Variants in THADA observed in about 807,000 individuals in gnomAD.
THADA encodes THADA armadillo repeat containing.
Under a neutral mutation model 219.8 loss-of-function variants are expected in THADA, and 213 were observed. The observed-to-expected ratio is 0.97, with a 90% CI of 0.87 to 1.09. The LOEUF (loss-of-function observed/expected upper bound fraction) is 1.09. Ranked by LOEUF, THADA falls within the 50% of genes least tolerant of loss-of-function variation. The pLI is 0.00. For synonymous variants in THADA, 1,018 were observed against 828.9 expected, an observed-to-expected ratio of 1.23 and a Z score of -3.92; for missense variants, 2,956 against 2,311.3, an observed-to-expected ratio of 1.28 and a Z score of -5.72.
At chr2:43,360,223 CTTAA>C (rs1346287618) in intron 29 of THADA, among the ~76,000 whole-genome samples, 1 of 152,188 alleles carries the variant, frequency 6.6e-6, no homozygotes, top group Non-Finnish European at 1.5e-5. Flanking sequence ...GATATGTTAT[CTTAA>C]TTACTATGTA....
At chr2:43,520,713 T>TATATATACACAC (rs1218079783) in intron 22 of THADA, among the ~76,000 whole-genome samples, 25 of 125,118 alleles carry the variant, frequency 2.0e-4, no homozygotes, top group African/African-American at 6.2e-4. Context: ...TATATATATA[T>TATATATACACAC]ACACACACAC....
chr2:43,351,970 G>C (rs1371648116), intron 29 of THADA, among the ~76,000 whole-genome samples: 3 of 152,226 alleles, frequency 2.0e-5, no homozygotes, highest in Non-Finnish European at 4.4e-5. Flanking sequence ...GTGTCAGATA[G>C]TCAACCTTAA....
At chr2:43,330,921 T>G (rs1054961993) in intron 30 of THADA, among the ~76,000 whole-genome samples, 3 of 152,212 alleles carry the variant, frequency 2.0e-5, no homozygotes, top group African/African-American at 7.2e-5. Context: ...GACAGCCATA[T>G]CTTTCAAGTA....
intron 36 of THADA, among the ~76,000 whole-genome samples, chr2:43,260,641 T>C (rs542646864): frequency 6.6e-6 from 1 of 152,336 alleles, no homozygotes; most frequent in African/African-American, 2.4e-5. Context: ...GTGTTGTCAT[T>C]GGCATAACGT....
At chr2:43,474,343 G>C (rs1685260848) in intron 26 of THADA, among the ~76,000 whole-genome samples, 1 of 152,184 alleles carries the variant, frequency 6.6e-6, no homozygotes, top group South Asian at 2.1e-4. Flanking sequence ...TGAGGAAATG[G>C]GAGGAGTGGA....
At chr2:43,339,690 T>G (rs987799162) in intron 30 of THADA, among the ~76,000 whole-genome samples, 3 of 152,194 alleles carry the variant, frequency 2.0e-5, no homozygotes, top group African/African-American at 7.2e-5. Flanking sequence ...AAGGAGAAAC[T>G]AGATAGCCAA....
chr2:43,583,880 C>T (rs1252360433), intron 7 of THADA, among the ~76,000 whole-genome samples: 2 of 151,330 alleles, frequency 1.3e-5, no homozygotes, highest in African/African-American at 2.4e-5. Flanking sequence ...ATATTTCTAC[C>T]AAAAATATAA....
Position 43,574,654 on chromosome 2 carries a change from A to G in THADA, c.1411T>C (p.Leu471=). ...GATGGAATAGTTTTATCTATAGCCA[A>G]AATATGTTCAACTCCTATGCACTCT... The part of the protein sequence containing the change: ...LVECIGVEHI[L]AIDKTIPSQI... Residue 471 remains leucine, a synonymous_variant, in exon 11 of 38, where the codon TTG becomes CTG. Coordinates refer to ENST00000405975, the MANE Select transcript of THADA (RefSeq NM_022065.5). 3 of 1,614,008 alleles carry G rather than the reference A, an allele frequency of 1.9e-6. No individual in the cohort carries two copies. The highest frequency in any genetic ancestry group is 2.5e-6 in the Non-Finnish European group (3 of 1,179,890).
At chr2:43,241,907 A>T (rs1480588600) in intron 36 of THADA, among the ~76,000 whole-genome samples, 1 of 152,146 alleles carries the variant, frequency 6.6e-6, no homozygotes, top group African/African-American at 2.4e-5. Flanking sequence ...GAGAACACTG[A>T]GTCCCTCAAC....
At chr2:43,432,889 G>C (rs1022116416) in intron 26 of THADA, among the ~76,000 whole-genome samples, 2 of 152,074 alleles carry the variant, frequency 1.3e-5, no homozygotes, top group African/African-American at 4.8e-5. Context: ...TCATATATAT[G>C]CATGGCATAT....
chr2:43,327,481 G>T (rs1036635072), intron 30 of THADA, among the ~76,000 whole-genome samples: 3 of 139,126 alleles, frequency 2.2e-5, no homozygotes, highest in South Asian at 2.7e-4. Context: ...AGTAAAGAGG[G>T]GGGGTGGTTA....
intron 8 of THADA, among the ~76,000 whole-genome samples, chr2:43,581,298 G>A (rs376591032): frequency 2.6e-5 from 4 of 152,046 alleles, no homozygotes; most frequent in East Asian, 3.9e-4. Flanking sequence ...GGGAGGCCAC[G>A]GTAAGCAGGT....
intron 29 of THADA, among the ~76,000 whole-genome samples, chr2:43,361,285 A>G (rs1222108345): frequency 6.6e-6 from 1 of 152,254 alleles, no homozygotes; most frequent in African/African-American, 2.4e-5. Context: ...TCTATAAAAT[A>G]AAGCTAATAA....
Position 43,517,922 on chromosome 2 carries a change from AG to A in THADA, c.3375-9143del, listed in dbSNP as rs1691932540. Among the ~76,000 whole-genome samples the A allele has an allele frequency of 1.3e-5, 2 of 152,280 alleles. 1 individual carries two copies. Among genetic ancestry groups the A allele is most frequent in the South Asian group, 4.1e-4 (2 of 4,830 alleles). Reference sequence around the variant, plus strand: ...ACCATTCTGTTCTTTAATACACCATAGATTTTGGCGTTAGTGGTTCTCATTG... The same window carrying A: ...ACCATTCTGTTCTTTAATACACCATAATTTTGGCGTTAGTGGTTCTCATTG... On this transcript the variant is annotated intron_variant, in intron 22 of 37. Transcript: ENST00000405975.
intron 26 of THADA, among the ~76,000 whole-genome samples, chr2:43,456,317 TA>T (rs1682993732): frequency 6.6e-6 from 1 of 152,192 alleles, no homozygotes; most frequent in Non-Finnish European, 1.5e-5. Context: ...CAATGGCAAT[TA>T]AAAAATAATA....
At chr2:43,242,706 C>A (rs540370388) in intron 36 of THADA, among the ~76,000 whole-genome samples, 5 of 152,350 alleles carry the variant, frequency 3.3e-5, no homozygotes, top group African/African-American at 1.2e-4. Flanking sequence ...CCAGGCTGAT[C>A]TTGAACTCAT....
intron 21 of THADA, among the ~76,000 whole-genome samples, chr2:43,529,178 G>C (rs994721099): frequency 5.3e-5 from 8 of 151,712 alleles, no homozygotes; most frequent in African/African-American, 1.9e-4. Flanking sequence ...AACAGGGTCT[G>C]GTCTTGCTTT....
At chr2:43,515,634 G>T (rs1267525608) in intron 22 of THADA, among the ~76,000 whole-genome samples, 1 of 147,478 alleles carries the variant, frequency 6.8e-6, no homozygotes, top group Non-Finnish European at 1.5e-5. Context: ...AAAAAAAACT[G>T]GAGATCTACA....
intron 29 of THADA, among the ~76,000 whole-genome samples, chr2:43,356,491 A>G (rs1668885106): frequency 6.6e-6 from 1 of 152,222 alleles, no homozygotes; most frequent in Non-Finnish European, 1.5e-5. Context: ...TGAAGATTAA[A>G]AAGTAAAGGG....
Sources: gnomAD v4.1 joint callset for allele counts (sites outside exome capture counted in the v4.1 genomes callset) on GRCh38, gnomAD v4.1.1 for gene constraint, MANE v1.5 for transcripts, NCBI Gene and HGNC (gene_info 2026-07-23, HGNC 2026-07-21) for gene names.